Variants in ST8SIA6 observed in about 807,000 individuals in gnomAD.
ST8SIA6 encodes the protein ST8 alpha-N-acetyl-neuraminide alpha-2,8-sialyltransferase 6.
A neutral mutation model predicts 33.6 loss-of-function variants in ST8SIA6; 39 were observed. That is an observed-to-expected ratio of 1.16 (90% confidence interval 0.90 to 1.52). The LOEUF (loss-of-function observed/expected upper bound fraction) is 1.52, where lower values mean the gene tolerates loss of function less well. ST8SIA6 is among the 40% of genes most tolerant of loss of function. The pLI is 0.00. For missense variants in ST8SIA6, 441 were observed against 443.8 expected, an observed-to-expected ratio of 0.99 and a Z score of 0.06; for synonymous variants, 172 against 167.2, an observed-to-expected ratio of 1.03 and a Z score of -0.22.
intron 4 of ST8SIA6, among the ~76,000 whole-genome samples, chr10:17,346,749 A>G (rs1458223485): frequency 6.6e-6 from 1 of 152,238 alleles, no homozygotes; most frequent in Non-Finnish European, 1.5e-5. Flanking sequence ...AGAGAGAACA[A>G]TAGCTATGTG....
intron 4 of ST8SIA6, among the ~76,000 whole-genome samples, chr10:17,335,616 C>T (rs879909529): frequency 6.6e-6 from 1 of 151,926 alleles, no homozygotes. Flanking sequence ...TATTTTACAA[C>T]CTACCATTCA....
intron 2 of ST8SIA6, among the ~76,000 whole-genome samples, chr10:17,417,505 TC>T (rs1851641073): frequency 6.6e-6 from 1 of 151,880 alleles, no homozygotes; most frequent in East Asian, 1.9e-4. Flanking sequence ...AATGCTCACC[TC>T]CCACCCCCGC....
chr10:17,430,313 G>C (rs908850069), intron 2 of ST8SIA6, among the ~76,000 whole-genome samples: 3 of 152,082 alleles, frequency 2.0e-5, no homozygotes, highest in Admixed American at 2.0e-4. Flanking sequence ...GGGCACTTAC[G>C]TCAGTTCCAC....
At chr10:17,371,340 A>C (rs556978787) in intron 3 of ST8SIA6, among the ~76,000 whole-genome samples, 1 of 152,320 alleles carries the variant, frequency 6.6e-6, no homozygotes, top group Non-Finnish European at 1.5e-5. Context: ...GGTGGGAGAT[A>C]GAAATTTGAG....
intron 4 of ST8SIA6, among the ~76,000 whole-genome samples, chr10:17,357,659 C>T (rs1171174853): frequency 4.6e-5 from 7 of 152,156 alleles, no homozygotes; most frequent in African/African-American, 1.2e-4. Context: ...TCCCTGCCTT[C>T]GTGGCAGGGA....
At chr10:17,413,176 A>G (rs1354383978) in intron 2 of ST8SIA6, among the ~76,000 whole-genome samples, 1 of 152,178 alleles carries the variant, frequency 6.6e-6, no homozygotes, top group Non-Finnish European at 1.5e-5. Flanking sequence ...TATAATATTC[A>G]GGATGATTAT....
At chr10:17,363,828 A>G (rs912398565) in intron 3 of ST8SIA6, among the ~76,000 whole-genome samples, 1 of 152,116 alleles carries the variant, frequency 6.6e-6, no homozygotes, top group Non-Finnish European at 1.5e-5. Context: ...CATAGCTCCT[A>G]TACTTCTCAT....
intron 2 of ST8SIA6, among the ~76,000 whole-genome samples, chr10:17,427,388 T>C (rs1851971943): frequency 6.6e-6 from 1 of 152,174 alleles, no homozygotes; most frequent in African/African-American, 2.4e-5. Context: ...CACACTTGGC[T>C]CTAGGCCAAG....
chr10:17,343,949 T>C (rs1848754477), intron 4 of ST8SIA6, among the ~76,000 whole-genome samples: 1 of 152,342 alleles, frequency 6.6e-6, no homozygotes, highest in South Asian at 2.1e-4. Flanking sequence ...TTAATCCTTA[T>C]AAAAGCCTTA....
chr10:17,402,788 G>A (rs1248909625), intron 2 of ST8SIA6, among the ~76,000 whole-genome samples: 1 of 152,094 alleles, frequency 6.6e-6, no homozygotes, highest in Non-Finnish European at 1.5e-5. Flanking sequence ...GGTCGGGGGA[G>A]TGGGGAGGGA....
intron 3 of ST8SIA6, among the ~76,000 whole-genome samples, chr10:17,376,103 A>C (rs1849909421): frequency 6.6e-6 from 1 of 152,158 alleles, no homozygotes. Context: ...CAAAACCCCC[A>C]ACATGTCTCT....
rs190583242 is a variant in ST8SIA6 at position 17,319,104 on chromosome 10, G to T, written c.*1774C>A. ...CAACTATAGACCCACTTGAGAAAAAGATAAAAAGAATGCACATGTTATATG... is the reference window on the plus strand; with the variant it reads ...CAACTATAGACCCACTTGAGAAAAATATAAAAAGAATGCACATGTTATATG... On this transcript the variant is annotated 3_prime_UTR_variant, in exon 8 of 8. Transcript: ENST00000377602. Among the ~76,000 whole-genome samples the T allele has an allele frequency of 3.9e-5, 6 of 152,186 alleles. No individual in the cohort carries two copies. The East Asian group carries it at 1.2e-3, about 29-fold the overall frequency.
At chr10:17,412,850 T>C (rs1205654024) in intron 2 of ST8SIA6, among the ~76,000 whole-genome samples, 1 of 152,232 alleles carries the variant, frequency 6.6e-6, no homozygotes. Flanking sequence ...TGAGTGTTTT[T>C]AGCATAAAGA....
At chr10:17,398,211 C>T (rs1423136569) in intron 2 of ST8SIA6, among the ~76,000 whole-genome samples, 1 of 152,096 alleles carries the variant, frequency 6.6e-6, no homozygotes, top group Non-Finnish European at 1.5e-5. Flanking sequence ...CCTGTAATCC[C>T]AGCTACTCAG....
intron 4 of ST8SIA6, among the ~76,000 whole-genome samples, chr10:17,355,069 G>A (rs1849151848): frequency 6.6e-6 from 1 of 152,274 alleles, no homozygotes; most frequent in South Asian, 2.1e-4. Context: ...CAACAAGAAA[G>A]TTAAAATAAA....
Position 17,318,573 on chromosome 10 carries a change from G to T in ST8SIA6, c.*2305C>A. On this transcript the variant is annotated 3_prime_UTR_variant, in exon 8 of 8. Transcript: ENST00000377602. The stretch of plus-strand genomic sequence containing the variant: ...AGACTTTCCATTCTCAATGCCCTTA[G>T]ATGTACTTGAGTTTTAAGAGCAGAA... 2.3e-6 allele frequency: 1 copy of T among 428,430 alleles called. No individual in the cohort carries two copies. The highest frequency in any genetic ancestry group is 4.7e-6 in the Non-Finnish European group (1 of 210,706). The allele number at this position is 428,430 out of a possible 1,614,324, so 26.5% of individuals were successfully genotyped here.
intron 4 of ST8SIA6, among the ~76,000 whole-genome samples, chr10:17,359,240 A>G (rs1286496855): frequency 6.6e-6 from 1 of 152,226 alleles, no homozygotes; most frequent in Admixed American, 6.5e-5. Context: ...CAAAAAACAC[A>G]ACATCTTCTA....
chr10:17,354,740 G>C (rs1247793273), intron 4 of ST8SIA6, among the ~76,000 whole-genome samples: 1 of 152,134 alleles, frequency 6.6e-6, no homozygotes, highest in Non-Finnish European at 1.5e-5. Flanking sequence ...TTGAATCCCA[G>C]AGTCTCAGGG....
intron 4 of ST8SIA6, among the ~76,000 whole-genome samples, chr10:17,338,923 T>C (rs1848590442): frequency 6.6e-6 from 1 of 152,184 alleles, no homozygotes; most frequent in Non-Finnish European, 1.5e-5. Context: ...GGAGAGTTCA[T>C]ATACTTTGAA....
Sources: gnomAD v4.1 joint callset for allele counts (sites outside exome capture counted in the v4.1 genomes callset) on GRCh38, gnomAD v4.1.1 for gene constraint, MANE v1.5 for transcripts, NCBI Gene and HGNC (gene_info 2026-07-23, HGNC 2026-07-21) for gene names.